NTM: variants seen among roughly 807,000 people sequenced by gnomAD.
The protein encoded by NTM is IgLON family member 2.
A neutral mutation model predicts 42.1 loss-of-function variants in NTM; 13 were observed. The observed-to-expected ratio is 0.31, with a 90% CI of 0.20 to 0.49. The LOEUF (loss-of-function observed/expected upper bound fraction) is 0.49, where lower values mean the gene tolerates loss of function less well. Among genes scored for constraint, NTM ranks in the 20% least tolerant of loss-of-function variants. NTM has a pLI of 0.99. For missense variants in NTM, 373 were observed against 452.8 expected (o/e 0.82, Z 1.60); for synonymous variants, 187 against 179.2 (o/e 1.04, Z -0.35).
rs912835822 is a variant in NTM at position 131,660,801 on chromosome 11, T to C, written c.83-250763T>C. 13 of 1,150,398 alleles carry C rather than the reference T, an allele frequency of 1.1e-5. No individual in the cohort carries two copies. The Admixed American group carries it at 2.5e-4, about 22-fold the overall frequency. The allele number at this position is 1,150,398 out of a possible 1,614,324, so 71.3% of individuals were successfully genotyped here. ...TTGCGAACTCCTGAGTTTCATTAAA[T>C]ATAGAAAGGTAGGATGAAAAAATAA... On this transcript the variant is annotated intron_variant, in intron 1 of 8. Coordinates refer to ENST00000683400, the MANE Select transcript of NTM (RefSeq NM_001352005.2).
chr11:132,038,121 T>C (rs2076728524), intron 2 of NTM, among the ~76,000 whole-genome samples: 1 of 152,240 alleles, frequency 6.6e-6, no homozygotes, highest in Admixed American at 6.5e-5. Context: ...TGTGTTGCCT[T>C]GTGGGCCTCT....
chr11:131,806,303 A>G (rs2092476566), intron 1 of NTM, among the ~76,000 whole-genome samples: 2 of 152,138 alleles, frequency 1.3e-5, no homozygotes, highest in African/African-American at 4.8e-5. Context: ...AATATCTAAT[A>G]ATCATAAAAT....
intron 2 of NTM, among the ~76,000 whole-genome samples, chr11:132,043,317 T>G (rs2077454790): frequency 6.6e-6 from 1 of 152,200 alleles, no homozygotes; most frequent in Admixed American, 6.5e-5. Flanking sequence ...GTTAATGAGT[T>G]TGTCAGAAGC....
intron 1 of NTM, among the ~76,000 whole-genome samples, chr11:131,423,176 GTGCTGCTT>G: frequency 6.6e-6 from 1 of 152,284 alleles, no homozygotes; most frequent in Admixed American, 6.5e-5. Flanking sequence ...AGCTTCAAAG[GTGCTGCTT>G]TGCATCCTTT....
intron 2 of NTM, among the ~76,000 whole-genome samples, chr11:132,111,936 G>A (rs938160649): frequency 4.6e-5 from 7 of 152,248 alleles, no homozygotes; most frequent in East Asian, 1.9e-4. Context: ...TTTGATTCTC[G>A]CATAGGCGTT....
intron 2 of NTM, among the ~76,000 whole-genome samples, chr11:132,132,608 C>A (rs142298547): frequency 1.3e-5 from 2 of 152,286 alleles, no homozygotes; most frequent in African/African-American, 4.8e-5. Context: ...AACATTAACA[C>A]CTCCATGCTC....
chr11:131,854,139 C>G (rs2045874272), intron 1 of NTM, among the ~76,000 whole-genome samples: 1 of 152,282 alleles, frequency 6.6e-6, no homozygotes. Flanking sequence ...CTGAAGTCAT[C>G]TTAGAATAAG....
chr11:131,910,590 C>G (rs1201937244), intron 1 of NTM, among the ~76,000 whole-genome samples: 5 of 151,030 alleles, frequency 3.3e-5, no homozygotes, highest in African/African-American at 1.2e-4. Context: ...CATGACAACC[C>G]CGGCGGTCGG....
At chr11:131,614,864 G>A (rs114584498) in intron 1 of NTM, among the ~76,000 whole-genome samples, 4,871 of 152,254 alleles carry the variant, frequency 0.032, 246 homozygotes, top group African/African-American at 0.11. Flanking sequence ...CCTCCCTCAC[G>A]TGACCAGCAG....
At chr11:132,139,084 G>C (rs906279882) in intron 2 of NTM, among the ~76,000 whole-genome samples, 2 of 152,080 alleles carry the variant, frequency 1.3e-5, no homozygotes, top group African/African-American at 4.8e-5. Context: ...CTTTATGAAT[G>C]GTTGGTCTCC....
intron 2 of NTM, among the ~76,000 whole-genome samples, chr11:132,139,125 G>T (rs770038587): frequency 6.6e-6 from 1 of 152,100 alleles, no homozygotes; most frequent in East Asian, 1.9e-4. Flanking sequence ...ACTCTTCTGT[G>T]TTTGGACTGT....
At chr11:132,308,503 C>T (rs1306543177) in intron 5 of NTM, among the ~76,000 whole-genome samples, 2 of 152,108 alleles carry the variant, frequency 1.3e-5, no homozygotes, top group Non-Finnish European at 2.9e-5. Context: ...TCTTTTCCCT[C>T]TGGGTCCCTC....
chr11:131,452,552 T>C (rs964861717), intron 1 of NTM, among the ~76,000 whole-genome samples: 1 of 152,242 alleles, frequency 6.6e-6, no homozygotes, highest in African/African-American at 2.4e-5. Context: ...TTTTGCCATC[T>C]TGTAAAGCTA....
intron 2 of NTM, among the ~76,000 whole-genome samples, chr11:132,118,210 T>G (rs551882617): frequency 6.6e-6 from 1 of 152,256 alleles, no homozygotes; most frequent in African/African-American, 2.4e-5. Flanking sequence ...TTTTTTTAAC[T>G]TCCCTATTCT....
At chr11:131,861,340 G>A (rs919639190) in intron 1 of NTM, among the ~76,000 whole-genome samples, 5 of 152,126 alleles carry the variant, frequency 3.3e-5, no homozygotes, top group African/African-American at 9.7e-5. Context: ...AAATTAAAAC[G>A]TAATCCCCCA....
chr11:131,909,503 G>A (rs934938108), intron 1 of NTM, among the ~76,000 whole-genome samples: 1 of 152,206 alleles, frequency 6.6e-6, no homozygotes, highest in African/African-American at 2.4e-5. Context: ...GTTTGATAGA[G>A]TCTAGGGGAA....
At chr11:131,761,530 A>C (rs1345509071) in intron 1 of NTM, among the ~76,000 whole-genome samples, 1 of 152,090 alleles carries the variant, frequency 6.6e-6, no homozygotes, top group Admixed American at 6.6e-5. Context: ...AAAGCCGGGC[A>C]CGGTGGCTCA....
intron 2 of NTM, among the ~76,000 whole-genome samples, chr11:132,001,639 C>T (rs778950236): frequency 9.2e-5 from 14 of 152,040 alleles, no homozygotes; most frequent in Admixed American, 2.0e-4. Flanking sequence ...GAGGACAGCC[C>T]GAAGCTCTGA....
At chr11:131,825,391 TG>T (rs1369732096) in intron 1 of NTM, among the ~76,000 whole-genome samples, 1 of 116,836 alleles carries the variant, frequency 8.6e-6, no homozygotes, top group East Asian at 2.4e-4. Context: ...TGTATGGTGG[TG>T]GGGGGTGGGG....
Sources: allele counts gnomAD v4.1 joint callset (sites outside exome capture counted in the v4.1 genomes callset), GRCh38; gene constraint gnomAD v4.1.1; transcripts MANE v1.5; gene names NCBI Gene and HGNC (gene_info 2026-07-23, HGNC 2026-07-21).